The following SCN9A variants were observed in gnomAD, a reference collection of about 807,000 sequenced individuals.
SCN9A encodes the protein sodium channel protein type 9 subunit alpha.
Under a neutral mutation model 187.0 loss-of-function variants are expected in SCN9A, and 131 were observed. That is an observed-to-expected ratio of 0.70 (90% CI 0.61 to 0.81). The LOEUF is 0.81. Ranked by LOEUF, SCN9A falls within the 30% of genes least tolerant of loss-of-function variation. SCN9A has a pLI of 0.00. For synonymous variants in SCN9A, 809 were observed against 808.6 expected, an observed-to-expected ratio of 1.00 and a Z score of -0.01; for missense variants, 2,252 against 2,396.6, an observed-to-expected ratio of 0.94 and a Z score of 1.26.
At position 166,263,709 on chromosome 2, in the gene SCN9A, C is replaced by T. The variant is rs556822141; in HGVS notation, c.3351+8690G>A. Among the ~76,000 whole-genome samples the T allele has an allele frequency of 9.9e-5, 15 of 152,060 alleles. 1 individual carries two copies. The South Asian group carries it at 2.9e-3, about 29-fold the overall frequency. On this transcript the variant is annotated intron_variant, in intron 17 of 26. Transcript: ENST00000642356. Reference sequence around the variant, plus strand: ...ATCTTATTTGGAAATATGGTCTTTGCAGACACAATGAAGATGAGGTCATTG... The same window carrying T: ...ATCTTATTTGGAAATATGGTCTTTGTAGACACAATGAAGATGAGGTCATTG...
At chr2:166,338,482 T>A (rs530137975) in intron 1 of SCN9A, among the ~76,000 whole-genome samples, 1 of 152,264 alleles carries the variant, frequency 6.6e-6, no homozygotes, top group South Asian at 2.1e-4. Flanking sequence ...AACTTTTATT[T>A]GTTTTTTAAA....
intron 24 of SCN9A, among the ~76,000 whole-genome samples, chr2:166,222,212 A>G (rs1480735136): frequency 2.0e-5 from 3 of 152,346 alleles, no homozygotes; most frequent in Middle Eastern, 3.4e-3. Flanking sequence ...CCAACTATAT[A>G]TCTAATAAAT....
At chr2:166,227,952 G>T (rs570373267) in intron 22 of SCN9A, among the ~76,000 whole-genome samples, 7 of 152,206 alleles carry the variant, frequency 4.6e-5, no homozygotes, top group African/African-American at 1.7e-4. Flanking sequence ...ACAGTTGCCT[G>T]TGAATTTCGC....
intron 9 of SCN9A, among the ~76,000 whole-genome samples, chr2:166,290,236 G>C (rs1406194046): frequency 6.6e-6 from 1 of 152,064 alleles, no homozygotes; most frequent in Non-Finnish European, 1.5e-5. Flanking sequence ...TCCCTGTAAA[G>C]GACATGATCT....
At chr2:166,311,471 C>G (rs1360857075) in intron 2 of SCN9A, 28 bp downstream of exon 2, 1 of 1,468,796 alleles carries the variant, frequency 6.8e-7, no homozygotes, top group Non-Finnish European at 9.1e-7. Context: ...CCAACAGAAA[C>G]TGACCACTGA....
At chr2:166,244,552 C>T (rs920995619) in intron 18 of SCN9A, among the ~76,000 whole-genome samples, 4 of 151,894 alleles carry the variant, frequency 2.6e-5, no homozygotes, top group East Asian at 3.9e-4. Context: ...TTGTCTATTC[C>T]GTTTGAATAG....
Position 166,228,916 on chromosome 2 carries a change from C to A in SCN9A, c.3981G>T (p.Val1327=). 6.2e-7 allele frequency: 1 copy of A among 1,613,678 alleles called. No individual in the cohort carries two copies. Among genetic ancestry groups the A allele is most frequent in the Non-Finnish European group, 8.5e-7 (1 of 1,179,658 alleles). Residue 1327 remains valine (V), a synonymous_variant, in exon 22 of 27, where the codon GTG becomes GTT. Coordinates refer to ENST00000642356, the MANE Select transcript of SCN9A (RefSeq NM_001365536.1). ...TGAATATCAGCCAGAATATAAGACA[C>A]ACAAGTAGCACATTCATGATGGAAG... ...AIPSIMNVLL[V]CLIFWLIFSI...
At chr2:166,283,837 T>G (rs1697604419) in intron 12 of SCN9A, among the ~76,000 whole-genome samples, 1 of 152,200 alleles carries the variant, frequency 6.6e-6, no homozygotes, top group African/African-American at 2.4e-5. Context: ...GCACAAGATC[T>G]GAAACAGACA....
intron 1 of SCN9A, among the ~76,000 whole-genome samples, chr2:166,321,845 G>A (rs1180879361): frequency 2.8e-5 from 4 of 142,444 alleles, no homozygotes; most frequent in Admixed American, 7.2e-5. Context: ...TTCTTTTGAG[G>A]CATGCAGTGC....
intron 1 of SCN9A, among the ~76,000 whole-genome samples, chr2:166,342,551 C>T (rs563204956): frequency 1.1e-4 from 17 of 152,178 alleles, no homozygotes; most frequent in African/African-American, 2.4e-4. Flanking sequence ...TTCTACCTCA[C>T]GTTTAGAATA....
intron 1 of SCN9A, among the ~76,000 whole-genome samples, chr2:166,314,010 A>T (rs997127829): frequency 6.6e-6 from 1 of 152,194 alleles, no homozygotes; most frequent in Non-Finnish European, 1.5e-5. Context: ...GTCACATTTA[A>T]TGATTGTTTG....
At position 166,278,095 on chromosome 2, in the gene SCN9A, ACC is replaced by A; in HGVS notation, c.2517+43_2517+44del. 4.8e-6 allele frequency: 7 copies of A among 1,465,858 alleles called. No individual in the cohort carries two copies. In the South Asian group the frequency reaches 5.3e-5, roughly 11 times the overall value. 90.8% of individuals were successfully genotyped at this position (1,465,858 alleles called of 1,614,324 possible). Reference sequence around the variant, plus strand: ...AAAAATAATGCAAAACCAAAGAAATACCCCTTTATTATAGAATATAATGGCAA... The same window carrying A: ...AAAAATAATGCAAAACCAAAGAAATACCTTTATTATAGAATATAATGGCAA... On this transcript the variant is annotated intron_variant, in intron 15 of 26. Transcript: ENST00000642356.
chr2:166,227,054 A>G (rs571060095), intron 23 of SCN9A, among the ~76,000 whole-genome samples: 10 of 152,238 alleles, frequency 6.6e-5, no homozygotes, highest in Non-Finnish European at 1.2e-4. Flanking sequence ...TAAATGAGAC[A>G]TTATCATATT....
At position 166,233,466 on chromosome 2, in the gene SCN9A, T is replaced by C. The variant is rs75230218; in HGVS notation, c.3802-4A>G. On this transcript the variant is annotated splice_region_variant and splice_polypyrimidine_tract_variant and intron_variant, in intron 20 of 26. Coordinates refer to ENST00000642356, the MANE Select transcript of SCN9A (RefSeq NM_001365536.1). The stretch of plus-strand genomic sequence containing the variant: ...CCACTAAAGTAACCAAAGAAACCTA[T>C]AAAAATAACATTTTCATTAATTGTG... The C allele has an allele frequency of 0.078, 121,816 of 1,558,058 alleles. 5,283 individuals carry two copies. The highest frequency in any genetic ancestry group is 0.089 in the Non-Finnish European group (102,791 of 1,161,286).
intron 18 of SCN9A, among the ~76,000 whole-genome samples, chr2:166,251,342 C>G (rs1337596328): frequency 6.6e-6 from 1 of 151,940 alleles, no homozygotes; most frequent in African/African-American, 2.4e-5. Context: ...GCCTCTGAAA[C>G]TAAGGAAAGG....
intron 19 of SCN9A, among the ~76,000 whole-genome samples, chr2:166,240,744 T>C (rs1455457096): frequency 6.6e-6 from 1 of 152,162 alleles, no homozygotes. Context: ...CTGCAGGTTG[T>C]TGGGGAGTGT....
intron 11 of SCN9A, among the ~76,000 whole-genome samples, chr2:166,285,799 G>T (rs767846356): frequency 1.3e-4 from 20 of 152,092 alleles, no homozygotes; most frequent in Non-Finnish European, 2.9e-4. Context: ...AGGTTTCAGT[G>T]AAAAGAGAAA....
At chr2:166,292,135 A>C (rs1698101795) in intron 9 of SCN9A, among the ~76,000 whole-genome samples, 1 of 152,188 alleles carries the variant, frequency 6.6e-6, no homozygotes, top group Non-Finnish European at 1.5e-5. Context: ...TGAACAGGCA[A>C]ACTATAGAAT....
In SCN9A at chr2:166,281,777, C is replaced by T. The variant is rs200374987; in HGVS notation, c.2006G>A (p.Arg669His). 113 of 1,612,672 alleles carry T rather than the reference C, an allele frequency of 7.0e-5. No homozygotes were observed. Among genetic ancestry groups the T allele is most frequent in the Admixed American group, 3.3e-4 (20 of 59,912 alleles). The change falls in exon 13 of 27, where the codon CGT becomes CAT. Residue 669 changes from arginine (R) to histidine (H), a missense_variant. This residue lies in a region of SCN9A where 1,013 missense variants were observed against 997.4 expected (regional missense o/e 1.02). Coordinates refer to ENST00000642356, the MANE Select transcript of SCN9A (RefSeq NM_001365536.1). The part of the protein sequence containing the change: ...GTTNQIHKKR[R>H]CSSYLLSEDM... ...CTCTGAAAGGAGATAGGAACTACAA[C>T]GCCTTTTCTTGTGTATTTGATTGGT... is the stretch of plus-strand genomic sequence containing the variant.
Sources: gnomAD v4.1 joint callset for allele counts (sites outside exome capture counted in the v4.1 genomes callset) on GRCh38, gnomAD v4.1.1 for gene constraint, gnomAD v4.1.1 regional missense constraint, MANE v1.5 for transcripts, NCBI Gene and HGNC (gene_info 2026-07-23, HGNC 2026-07-21) for gene names.